Variants in CDH19 observed in about 807,000 individuals in gnomAD.
CDH19 encodes the protein cadherin-19.
CDH19 carries 67 observed loss-of-function variants against 64.2 expected under a neutral mutation model. That is an observed-to-expected ratio of 1.04 (90% CI 0.86 to 1.28). The LOEUF (loss-of-function observed/expected upper bound fraction) is 1.28, where lower values mean the gene tolerates loss of function less well. CDH19 is among the 50% of genes most tolerant of loss of function. CDH19 has a pLI of 0.00. For missense variants in CDH19, 1,030 were observed against 929.0 expected, an observed-to-expected ratio of 1.11 and a Z score of -1.41; for synonymous variants, 346 against 319.3, an observed-to-expected ratio of 1.08 and a Z score of -0.89.
intron 1 of CDH19, among the ~76,000 whole-genome samples, chr18:66,580,722 T>C (rs993956370): frequency 6.6e-6 from 1 of 152,118 alleles, no homozygotes; most frequent in Admixed American, 6.6e-5. Context: ...AAAATCATCA[T>C]TTATAATTCT....
rs1484480803 is a variant in CDH19 at position 66,552,563 on chromosome 18, A to C, written c.611-1305T>G. Among the ~76,000 whole-genome samples the C allele has an allele frequency of 8.3e-5, 8 of 96,698 alleles. 3 individuals carry two copies. The highest frequency in any genetic ancestry group is 5.8e-4 in the African/African-American group (8 of 13,798). 63.4% of individuals were successfully genotyped at this position (96,698 alleles called of 152,430 possible). A position where few individuals can be genotyped will look rare whatever the true frequency, so the allele number is the denominator to read the frequency against. ...TCTCCCTGTATGTGACTCAGGGGAG[A>C]GGGACCTAGGAGTCTTTGTTCCCCA... On this transcript the variant is annotated intron_variant, in intron 4 of 11. Transcript: ENST00000262150.
At chr18:66,597,649 C>T (rs374797627) in intron 1 of CDH19, among the ~76,000 whole-genome samples, 4 of 152,172 alleles carry the variant, frequency 2.6e-5, no homozygotes, top group African/African-American at 9.6e-5. Flanking sequence ...AAAGTATCAA[C>T]GGAGCAAACA....
chr18:66,525,539 A>G (rs1986188640), intron 9 of CDH19, among the ~76,000 whole-genome samples: 1 of 152,122 alleles, frequency 6.6e-6, no homozygotes, highest in Non-Finnish European at 1.5e-5. Flanking sequence ...CAAATCAGAA[A>G]TCTCAACCCA....
intron 11 of CDH19, among the ~76,000 whole-genome samples, chr18:66,506,663 ATGTGTGTGTGTGTC>A (rs1208070484): frequency 6.6e-6 from 1 of 151,538 alleles, no homozygotes; most frequent in Non-Finnish European, 1.5e-5. Context: ...TTAAATAAAA[ATGTGTGTGTGTGTC>A]TGTGTGTGTG....
intron 8 of CDH19, among the ~76,000 whole-genome samples, chr18:66,531,986 T>C (rs192483353): frequency 3.4e-4 from 52 of 152,246 alleles, no homozygotes; most frequent in African/African-American, 1.2e-3. Context: ...TGTAGGTTTA[T>C]TGTTTTTAAT....
chr18:66,598,544 G>T (rs1336122797), intron 1 of CDH19, among the ~76,000 whole-genome samples: 2 of 152,054 alleles, frequency 1.3e-5, no homozygotes, highest in South Asian at 4.1e-4. Context: ...CAATAGGATG[G>T]AACTGGAGGC....
At chr18:66,559,435 G>A (rs1396276790) in intron 3 of CDH19, among the ~76,000 whole-genome samples, 4 of 150,848 alleles carry the variant, frequency 2.7e-5, no homozygotes, top group African/African-American at 4.9e-5. Context: ...TATTTTTTTC[G>A]GCATTGTACT....
At position 66,544,681 on chromosome 18, in the gene CDH19, G is replaced by A. The variant is rs200709748; in HGVS notation, c.960+38C>T. ...ACAAAATATGTTATGTTTTAATTTTGCGCTATTCTGCAAGGCAAATAATTT... is the reference window on the plus strand; with the variant it reads ...ACAAAATATGTTATGTTTTAATTTTACGCTATTCTGCAAGGCAAATAATTT... On this transcript the variant is annotated intron_variant, in intron 6 of 11. Coordinates refer to ENST00000262150, the MANE Select transcript of CDH19 (RefSeq NM_021153.4). 6 of 1,363,220 alleles carry A rather than the reference G, an allele frequency of 4.4e-6. No individual in the cohort carries two copies. In the East Asian group the frequency reaches 1.4e-4, roughly 33 times the overall value. The allele number at this position is 1,363,220 out of a possible 1,614,324, so 84.4% of individuals were successfully genotyped here.
In CDH19 at chr18:66,509,048, C is replaced by T. The variant is rs140371685; in HGVS notation, c.1775G>A (p.Gly592Glu). ...CQYQELVLSM[G>E]FKTEVIIAIL... ...AGCAATGATGACTTCTGTCTTGAAT[C>T]CCATGGAAAGCACAAGCTCCTGGTA... The change falls in exon 11 of 12, where the codon GGA (glycine) becomes GAA (glutamate). Residue 592 changes from glycine (G) to glutamate (E), a missense_variant. By Grantham distance (98) the Gly-to-Glu change is moderately conservative. Transcript: ENST00000262150. The T allele has an allele frequency of 6.2e-7, 1 of 1,612,902 alleles. No homozygotes were observed. The highest frequency in any genetic ancestry group is 1.3e-5 in the African/African-American group (1 of 74,932).
chr18:66,553,479 T>C (rs1399430688), intron 4 of CDH19, among the ~76,000 whole-genome samples: 1 of 134,254 alleles, frequency 7.4e-6, no homozygotes, highest in Non-Finnish European at 1.5e-5. Flanking sequence ...GAAACCCTAA[T>C]TGAAAAAGGC....
At chr18:66,521,871 G>T (rs1001598018) in intron 9 of CDH19, among the ~76,000 whole-genome samples, 1 of 151,544 alleles carries the variant, frequency 6.6e-6, no homozygotes, top group African/African-American at 2.4e-5. Context: ...TAATTAAAAT[G>T]TATTAGTCTG....
chr18:66,523,484 C>T (rs1381553641), intron 9 of CDH19, among the ~76,000 whole-genome samples: 1 of 152,022 alleles, frequency 6.6e-6, no homozygotes, highest in Non-Finnish European at 1.5e-5. Flanking sequence ...GGTTCACATT[C>T]TAACCCACAT....
intron 5 of CDH19, among the ~76,000 whole-genome samples, chr18:66,546,695 T>C (rs1040778333): frequency 2.6e-5 from 4 of 152,074 alleles, no homozygotes; most frequent in Non-Finnish European, 5.9e-5. Flanking sequence ...AGTATTCTGG[T>C]GGAATGGCTT....
intron 1 of CDH19, chr18:66,596,367 A>T (rs1160386246): frequency 6.6e-6 from 1 of 152,170 alleles, no homozygotes; most frequent in African/African-American, 2.4e-5. Context: ...AGATAATGTC[A>T]AAATATCTCT....
At chr18:66,570,451 A>T (rs1568203236) in intron 2 of CDH19, among the ~76,000 whole-genome samples, 1 of 151,710 alleles carries the variant, frequency 6.6e-6, no homozygotes, top group East Asian at 1.9e-4. Context: ...TATTTTCCTA[A>T]TTAGGCTGCT....
chr18:66,574,895 TGAAAA>T (rs1199425734), intron 1 of CDH19, among the ~76,000 whole-genome samples: 1 of 151,592 alleles, frequency 6.6e-6, no homozygotes, highest in Non-Finnish European at 1.5e-5. Context: ...GTATTGAAAA[TGAAAA>T]GAAATTAATC....
At chr18:66,560,805 C>G (rs1352156867) in intron 3 of CDH19, among the ~76,000 whole-genome samples, 1 of 152,024 alleles carries the variant, frequency 6.6e-6, no homozygotes, top group African/African-American at 2.4e-5. Flanking sequence ...CCTCTTTAGT[C>G]TCTCTTCATT....
At chr18:66,512,858 T>G (rs1396979961) in intron 9 of CDH19, among the ~76,000 whole-genome samples, 2 of 151,442 alleles carry the variant, frequency 1.3e-5, no homozygotes, top group African/African-American at 4.8e-5. Context: ...TTTAGAAGTT[T>G]TTAACCTTGA....
intron 6 of CDH19, 23 bp from the exon 7 acceptor site, chr18:66,544,247 C>G: frequency 6.3e-7 from 1 of 1,591,798 alleles, no homozygotes; most frequent in South Asian, 1.1e-5. Context: ...ACAGTATACA[C>G]AAAAGAAATG....
Sources: gnomAD v4.1 joint callset for allele counts (sites outside exome capture counted in the v4.1 genomes callset) on GRCh38, gnomAD v4.1.1 for gene constraint, MANE v1.5 for transcripts, NCBI Gene and HGNC (gene_info 2026-07-23, HGNC 2026-07-21) for gene names.